The following PCDHA7 variants were observed in gnomAD, a reference collection of about 807,000 sequenced individuals.
PCDHA7 encodes protocadherin alpha 7.
In PCDHA7, 37 loss-of-function variants were observed where a neutral mutation model predicts 57.2. The ratio of observed to expected loss-of-function variants is 0.65; its 90% CI spans 0.50 to 0.85. The LOEUF is 0.85. Among genes scored for constraint, PCDHA7 ranks in the 40% least tolerant of loss-of-function variants. PCDHA7 has a pLI of 0.00. For missense variants in PCDHA7, 1,188 were observed against 1,241.8 expected, an observed-to-expected ratio of 0.96 and a Z score of 0.65; for synonymous variants, 553 against 558.8, an observed-to-expected ratio of 0.99 and a Z score of 0.15.
chr5:140,986,950 A>G (rs1161887732), intron 3 of PCDHA7, among the ~76,000 whole-genome samples: 1 of 152,282 alleles, frequency 6.6e-6, no homozygotes, highest in East Asian at 1.9e-4. Context: ...GTGGTCGCTC[A>G]TGCCTGTAAT....
intron 1 of PCDHA7, chr5:140,882,432 A>G: frequency 6.2e-7 from 1 of 1,614,052 alleles, no homozygotes; most frequent in Non-Finnish European, 8.5e-7. Context: ...CTGGGGCTGG[A>G]GCTGGCGGAG....
At position 140,886,849 on chromosome 5, in the gene PCDHA7, A is replaced by G. The variant is rs541841964; in HGVS notation, c.2355+50111A>G. ...CTTGAAAAAAAAAAAAAAAAAAAAG[A>G]AAGGTCTTCCCAACTCCTATATTGA... On this transcript the variant is annotated intron_variant, in intron 1 of 3. Coordinates refer to ENST00000525929, the MANE Select transcript of PCDHA7 (RefSeq NM_018910.3). Among the ~76,000 whole-genome samples, 4 of 150,006 alleles carry G rather than the reference A, an allele frequency of 2.7e-5. No homozygotes were observed. The East Asian group carries it at 7.8e-4, about 29-fold the overall frequency.
At chr5:140,850,403 C>T (rs1554144277) in intron 1 of PCDHA7, 5 of 1,597,838 alleles carry the variant, frequency 3.1e-6, no homozygotes, top group African/African-American at 2.7e-5. Flanking sequence ...CAACGCGTGC[C>T]CTGGACGAAA....
intron 1 of PCDHA7, among the ~76,000 whole-genome samples, chr5:140,845,933 C>T (rs1174545487): frequency 6.7e-6 from 1 of 149,546 alleles, no homozygotes; most frequent in African/African-American, 2.5e-5. Flanking sequence ...GTAAAACTAT[C>T]TTCTGTAAAG....
Position 140,896,030 on chromosome 5 carries a change from C to T in PCDHA7, c.2355+59292C>T, listed in dbSNP as rs180907288. On this transcript the variant is annotated intron_variant, in intron 1 of 3. Transcript: ENST00000525929. ...TTCTCCATGTTGGCCAGGCTGGTCT[C>T]GAACTCCTGACCTCAGGTGATCCGC... Among the ~76,000 whole-genome samples, 1,221 of 152,240 alleles carry T rather than the reference C, an allele frequency of 8.0e-3. 6 individuals are homozygous for T. The highest frequency in any genetic ancestry group is 0.019 in the African/African-American group (785 of 41,560).
At chr5:140,968,653 C>T (rs1301566656) in intron 1 of PCDHA7, 1 of 1,614,150 alleles carries the variant, frequency 6.2e-7, no homozygotes, top group Non-Finnish European at 8.5e-7. Flanking sequence ...AGACTTCTGA[C>T]CTGGACCTCT....
chr5:140,894,525 A>G (rs544789222), intron 1 of PCDHA7, among the ~76,000 whole-genome samples: 11 of 151,856 alleles, frequency 7.2e-5, no homozygotes, highest in African/African-American at 2.7e-4. Context: ...ATATGCTGTT[A>G]TGTGCCTTCT....
intron 1 of PCDHA7, among the ~76,000 whole-genome samples, chr5:140,838,935 TAATAAAATAA>T (rs1186571610): frequency 2.0e-5 from 3 of 151,738 alleles, no homozygotes; most frequent in African/African-American, 7.3e-5. Flanking sequence ...TAAAATGAAA[TAATAAAATAA>T]AATAAAATAA....
intron 1 of PCDHA7, among the ~76,000 whole-genome samples, chr5:140,966,049 A>AC (rs2095962296): frequency 6.6e-6 from 1 of 152,102 alleles, no homozygotes; most frequent in African/African-American, 2.4e-5. Context: ...ATCGCCAGTA[A>AC]CCCCAGAGCG....
At chr5:140,969,439 T>C (rs1554231802) in intron 1 of PCDHA7, 2 of 1,546,634 alleles carry the variant, frequency 1.3e-6, no homozygotes, top group Admixed American at 3.9e-5. Context: ...AAGAGTTATC[T>C]GGTAAACTGA....
intron 1 of PCDHA7, among the ~76,000 whole-genome samples, chr5:140,977,568 G>A (rs547387044): frequency 1.3e-5 from 2 of 152,312 alleles, no homozygotes; most frequent in East Asian, 1.9e-4. Context: ...TAGCAGATTG[G>A]TAGAATAGAG....
intron 1 of PCDHA7, among the ~76,000 whole-genome samples, chr5:140,838,079 T>A (rs1373778941): frequency 4.7e-3 from 32 of 6,862 alleles, no homozygotes; most frequent in East Asian, 3.8e-3. Context: ...ATATATATAG[T>A]GTGTGTGTGT....
At chr5:140,954,476 G>C (rs1467215585) in intron 1 of PCDHA7, among the ~76,000 whole-genome samples, 1 of 152,192 alleles carries the variant, frequency 6.6e-6, no homozygotes, top group Non-Finnish European at 1.5e-5. Context: ...ACTGGTGTGA[G>C]AAGATATTTC....
rs190126464 is a variant in PCDHA7 at position 140,851,666 on chromosome 5, T to C, written c.2355+14928T>C. On this transcript the variant is annotated intron_variant, in intron 1 of 3. Coordinates refer to ENST00000525929, the MANE Select transcript of PCDHA7 (RefSeq NM_018910.3). The stretch of plus-strand genomic sequence containing the variant: ...CTTCAAGAAGACATTCTCCTTTTAA[T>C]TGAAATTTTCTCCATTCAGTGATAA... 22 of 916,122 alleles carry C rather than the reference T, an allele frequency of 2.4e-5. 1 individual carries two copies. The East Asian group carries it at 1.7e-3, about 72-fold the overall frequency. 56.7% of individuals were successfully genotyped at this position (916,122 alleles called of 1,614,324 possible).
At chr5:140,967,989 T>G (rs781892084) in intron 1 of PCDHA7, 2 of 1,614,228 alleles carry the variant, frequency 1.2e-6, no homozygotes, top group Non-Finnish European at 1.7e-6. Flanking sequence ...GAGGCCACAC[T>G]GCCTTTCCGA....
chr5:140,926,929 G>T, intron 1 of PCDHA7: 2 of 1,575,722 alleles, frequency 1.3e-6, no homozygotes, highest in South Asian at 2.3e-5. Flanking sequence ...ATGTTTGTGG[G>T]TTTCCTGCGG....
intron 1 of PCDHA7, among the ~76,000 whole-genome samples, chr5:140,908,402 T>C (rs2073951162): frequency 6.6e-6 from 1 of 152,166 alleles, no homozygotes; most frequent in Non-Finnish European, 1.5e-5. Flanking sequence ...TATATACCAC[T>C]TCCATTTGAT....
intron 1 of PCDHA7, among the ~76,000 whole-genome samples, chr5:140,884,893 G>T (rs1186873075): frequency 1.3e-5 from 2 of 152,138 alleles, no homozygotes; most frequent in East Asian, 1.9e-4. Context: ...AGAATATTTT[G>T]TTTCTGTTGT....
chr5:140,837,916 C>T (rs191330965), intron 1 of PCDHA7, among the ~76,000 whole-genome samples: 6 of 151,766 alleles, frequency 4.0e-5, no homozygotes, highest in South Asian at 4.2e-4. Context: ...TGGCTTCAAG[C>T]GATCCTCCTA....
Sources: allele counts gnomAD v4.1 joint callset (sites outside exome capture counted in the v4.1 genomes callset), GRCh38; gene constraint gnomAD v4.1.1; transcripts MANE v1.5; gene names NCBI Gene and HGNC (gene_info 2026-07-23, HGNC 2026-07-21).